The following GYPC variants were observed in gnomAD, a reference collection of about 807,000 sequenced individuals.
GYPC encodes glycophorin C (Gerbich blood group), also known as glycophorin-C.
GYPC carries 14 observed loss-of-function variants against 12.6 expected under a neutral mutation model. The observed-to-expected ratio is 1.11, with a 90% confidence interval of 0.74 to 1.74. The LOEUF is 1.74. Ranked by LOEUF, GYPC falls within the 40% of genes most tolerant of loss-of-function variation. The probability of loss-of-function intolerance (pLI) is 0.00; values close to 1 mark genes in which losing one functional copy is unlikely to be tolerated. For synonymous variants in GYPC, 78 were observed against 62.1 expected (o/e 1.26, Z -1.20); for missense variants, 225 against 172.1 (o/e 1.31, Z -1.72).
Position 126,656,258 on chromosome 2 carries a change from C to G in GYPC, c.-6C>G, listed in dbSNP as rs2104763082. The G allele has an allele frequency of 6.2e-7, 1 of 1,602,820 alleles. No homozygotes were observed. The highest frequency in any genetic ancestry group is 2.3e-5 in the East Asian group (1 of 44,260). The stretch of plus-strand genomic sequence containing the variant: ...CCGCGGTCTCTGCCCGGGCTGACGC[C>G]CAGGAATGTGGTCGACGAGAAGCCC... On this transcript the variant is annotated 5_prime_UTR_variant, in exon 1 of 4. Coordinates refer to ENST00000259254, the MANE Select transcript of GYPC (RefSeq NM_002101.5).
chr2:126,661,634 T>G (rs1359346542), intron 1 of GYPC, among the ~76,000 whole-genome samples: 5 of 152,150 alleles, frequency 3.3e-5, no homozygotes, highest in African/African-American at 4.8e-5. Context: ...GTATTTTTAG[T>G]ATAGACAGGG....
chr2:126,670,629 G>A (rs1055695863), intron 1 of GYPC, among the ~76,000 whole-genome samples: 1 of 152,226 alleles, frequency 6.6e-6, no homozygotes, highest in African/African-American at 2.4e-5. Flanking sequence ...GCACAGCTCA[G>A]CCTCTTGGTG....
chr2:126,663,623 A>G (rs1682600071), intron 1 of GYPC, among the ~76,000 whole-genome samples: 1 of 152,234 alleles, frequency 6.6e-6, no homozygotes, highest in African/African-American at 2.4e-5. Flanking sequence ...TGAGTCAGCA[A>G]ACGGATGGAG....
chr2:126,676,764 G>C (rs758515587), intron 1 of GYPC, among the ~76,000 whole-genome samples: 3 of 152,186 alleles, frequency 2.0e-5, no homozygotes, highest in Non-Finnish European at 2.9e-5. Flanking sequence ...CAGAGGGGTG[G>C]TGGGGCAGGG....
intron 1 of GYPC, among the ~76,000 whole-genome samples, chr2:126,672,240 G>A (rs1305278330): frequency 1.3e-5 from 2 of 152,152 alleles, no homozygotes; most frequent in Admixed American, 6.5e-5. Flanking sequence ...CTCTGAGGAG[G>A]TGCCCTTCTG....
At chr2:126,676,887 T>C (rs987664713) in intron 1 of GYPC, among the ~76,000 whole-genome samples, 9 of 152,126 alleles carry the variant, frequency 5.9e-5, no homozygotes, top group African/African-American at 1.9e-4. Flanking sequence ...TGAAATTGAA[T>C]TGGTAACTTC....
chr2:126,684,610 A>G (rs1370555661), intron 1 of GYPC, among the ~76,000 whole-genome samples: 1 of 152,110 alleles, frequency 6.6e-6, no homozygotes, highest in Non-Finnish European at 1.5e-5. Context: ...CCTTTTCCCA[A>G]CTTACCCACA....
intron 1 of GYPC, among the ~76,000 whole-genome samples, chr2:126,656,953 C>G (rs963782352): frequency 6.6e-6 from 1 of 152,252 alleles, no homozygotes; most frequent in Non-Finnish European, 1.5e-5. Flanking sequence ...GGGCCTCTCT[C>G]TGCCCTCTTC....
rs750710988 is a variant in GYPC, at chr2:126,656,340, T to A, written c.49+28T>A. ...GAGTACCCGCCGTGGGGAAGGGTCC[T>A]GGGGACCCACTGGAGGCCGCGGCCC... On this transcript the variant is annotated intron_variant, in intron 1 of 3. Coordinates refer to ENST00000259254, the MANE Select transcript of GYPC (RefSeq NM_002101.5). 41 of 1,565,480 alleles carry A rather than the reference T, an allele frequency of 2.6e-5. No individual in the cohort carries two copies. The South Asian group carries it at 4.6e-4, about 18-fold the overall frequency.
At chr2:126,674,462 G>T (rs1185159346) in intron 1 of GYPC, among the ~76,000 whole-genome samples, 2 of 64,570 alleles carry the variant, frequency 3.1e-5, no homozygotes, top group Non-Finnish European at 6.9e-5. Context: ...AAGTGGGGGG[G>T]GAATACAGGC....
chr2:126,667,472 C>T (rs762548172), intron 1 of GYPC, among the ~76,000 whole-genome samples: 7 of 148,140 alleles, frequency 4.7e-5, no homozygotes, highest in Non-Finnish European at 8.9e-5. Flanking sequence ...GGCATGATAT[C>T]GGCTCACCAC....
At chr2:126,690,189 G>T in intron 1 of GYPC, 66 bp from the exon 2 acceptor site, 1 of 1,208,368 alleles carries the variant, frequency 8.3e-7, no homozygotes, top group African/African-American at 1.5e-5. Context: ...TGCAGCTTGG[G>T]CCAAGGTGCT....
At chr2:126,662,150 A>T (rs1167918041) in intron 1 of GYPC, among the ~76,000 whole-genome samples, 1 of 152,200 alleles carries the variant, frequency 6.6e-6, no homozygotes, top group African/African-American at 2.4e-5. Context: ...TCAGCAGCCG[A>T]TGAGCACATG....
intron 1 of GYPC, among the ~76,000 whole-genome samples, chr2:126,668,484 C>T (rs560399106): frequency 1.3e-5 from 2 of 152,324 alleles, no homozygotes; most frequent in South Asian, 4.1e-4. Context: ...GACGTCTCTA[C>T]CCCATGCAGT....
intron 1 of GYPC, chr2:126,657,566 C>T (rs1435878949): frequency 6.6e-6 from 1 of 152,210 alleles, no homozygotes; most frequent in Non-Finnish European, 1.5e-5. Flanking sequence ...GTTCCCGGAG[C>T]ACGTAACTTG....
chr2:126,674,474 CG>C (rs1558883504), intron 1 of GYPC, among the ~76,000 whole-genome samples: 4 of 152,022 alleles, frequency 2.6e-5, no homozygotes, highest in Non-Finnish European at 4.4e-5. Flanking sequence ...AATACAGGCT[CG>C]GCAAGGCCGC....
chr2:126,656,720 G>T lies in GYPC; in HGVS notation c.49+408G>T, dbSNP rs28387084. 2.0e-3 allele frequency among the ~76,000 whole-genome samples: 310 copies of T among 152,338 alleles called. 4 individuals carry two copies. Among genetic ancestry groups the T allele is most frequent in the African/African-American group, 7.2e-3 (300 of 41,580 alleles). On this transcript the variant is annotated intron_variant, in intron 1 of 3. Coordinates refer to ENST00000259254, the MANE Select transcript of GYPC (RefSeq NM_002101.5). Reference sequence around the variant, plus strand: ...GCTGCTCCCCAGCCAGGGTCCGACCGGCCAGGCTCCGGTGAACTCCAGGCA... The same window carrying T: ...GCTGCTCCCCAGCCAGGGTCCGACCTGCCAGGCTCCGGTGAACTCCAGGCA...
At chr2:126,663,031 G>A (rs948747696) in intron 1 of GYPC, among the ~76,000 whole-genome samples, 4 of 151,996 alleles carry the variant, frequency 2.6e-5, no homozygotes, top group Admixed American at 6.6e-5. Flanking sequence ...CTCCTTCATG[G>A]TTTTTATTGT....
At chr2:126,663,990 C>G (rs1032899363) in intron 1 of GYPC, among the ~76,000 whole-genome samples, 2 of 133,160 alleles carry the variant, frequency 1.5e-5, no homozygotes, top group African/African-American at 5.9e-5. Context: ...CTCTCTCTCT[C>G]TCTCTCTCTC....
Sources: gnomAD v4.1 joint callset for allele counts (sites outside exome capture counted in the v4.1 genomes callset) on GRCh38, gnomAD v4.1.1 for gene constraint, MANE v1.5 for transcripts, NCBI Gene and HGNC (gene_info 2026-07-23, HGNC 2026-07-21) for gene names.